SMAD2: variants seen among roughly 807,000 people sequenced by gnomAD.
SMAD2 encodes SMAD family member 2.
A neutral mutation model predicts 64.4 loss-of-function variants in SMAD2; 8 were observed. The observed-to-expected ratio is 0.12, with a 90% confidence interval of 0.07 to 0.22. The LOEUF is 0.22. SMAD2 is among the 10% of genes least tolerant of loss of function. The pLI, the probability that SMAD2 is intolerant of heterozygous loss-of-function variation, is 1.00. For missense variants in SMAD2, 289 were observed against 561.2 expected (o/e 0.51, Z 4.90); for synonymous variants, 203 against 195.8 (o/e 1.04, Z -0.31).
At chr18:47,878,997 G>A (rs1471817321) in intron 2 of SMAD2, among the ~76,000 whole-genome samples, 1 of 152,148 alleles carries the variant, frequency 6.6e-6, no homozygotes, top group Admixed American at 6.5e-5. Flanking sequence ...TTAGCTGGGT[G>A]TGCTGGTGCA....
chr18:47,814,471 G>A lies in SMAD2; in HGVS notation c.*27356C>T, dbSNP rs944141134. 6.6e-6 allele frequency: 1 copy of A among 152,216 alleles called. No individual in the cohort carries two copies. The highest frequency in any genetic ancestry group is 1.5e-5 in the Non-Finnish European group (1 of 68,042). The allele number at this position is 152,216 out of a possible 1,614,324, so 9.4% of individuals were successfully genotyped here. On this transcript the variant is annotated 3_prime_UTR_variant, in exon 11 of 11. Coordinates refer to ENST00000262160, the MANE Select transcript of SMAD2 (RefSeq NM_005901.6). ...GTTTTACTCCTAACCATGGATAAGA[G>A]AAACTGAGAATACGATGTGAGAAGA...
chr18:47,903,364 AAG>A (rs2033765954), intron 1 of SMAD2, among the ~76,000 whole-genome samples: 1 of 145,902 alleles, frequency 6.9e-6, no homozygotes, highest in Non-Finnish European at 1.5e-5. Flanking sequence ...GGACTAGAGA[AAG>A]AGGGGGTGGG....
chr18:47,845,048 A>G, intron 10 of SMAD2: 2 of 577,708 alleles, frequency 3.5e-6, no homozygotes, highest in South Asian at 2.3e-5. Context: ...GTGTGCAAAC[A>G]TCTCTCCTTC....
chr18:47,928,284 A>C (rs1203648313), intron 1 of SMAD2, among the ~76,000 whole-genome samples: 1 of 152,224 alleles, frequency 6.6e-6, no homozygotes, highest in Non-Finnish European at 1.5e-5. Flanking sequence ...AGAACAAGGA[A>C]AGACTTTTAA....
Position 47,928,908 on chromosome 18 carries a change from C to T in SMAD2, c.-54+1453G>A, listed in dbSNP as rs1223990108. On this transcript the variant is annotated intron_variant, in intron 1 of 10. Coordinates refer to ENST00000262160, the MANE Select transcript of SMAD2 (RefSeq NM_005901.6). ...GTTTAATATTTATAGTAAAAGTGGG[C>T]ACACTCTTTAGAAATGCCGAAAGAT... Among the ~76,000 whole-genome samples the T allele has an allele frequency of 2.0e-5, 3 of 152,324 alleles. No individual in the cohort carries two copies. The South Asian group carries it at 6.2e-4, about 32-fold the overall frequency.
chr18:47,868,582 G>A (rs1399230433), intron 4 of SMAD2, 125 bp from the exon 5 acceptor site: 6 of 716,740 alleles, frequency 8.4e-6, no homozygotes, highest in African/African-American at 1.8e-5. Flanking sequence ...CCACCTACTC[G>A]ATATATACTA....
intron 2 of SMAD2, among the ~76,000 whole-genome samples, chr18:47,883,318 T>C (rs954457069): frequency 2.6e-5 from 4 of 152,220 alleles, no homozygotes; most frequent in Non-Finnish European, 4.4e-5. Context: ...AGATGTCTTA[T>C]TGGTATTAAT....
intron 2 of SMAD2, 74 bp downstream of exon 2, chr18:47,896,447 G>T: frequency 1.3e-6 from 2 of 1,489,916 alleles, no homozygotes; most frequent in Non-Finnish European, 1.9e-6. Flanking sequence ...AACTTGAAAG[G>T]AACACAAATT....
At chr18:47,926,190 T>C (rs2034755281) in intron 1 of SMAD2, among the ~76,000 whole-genome samples, 1 of 152,226 alleles carries the variant, frequency 6.6e-6, no homozygotes, top group Non-Finnish European at 1.5e-5. Flanking sequence ...TAACAGCTAC[T>C]GTGATCTTTC....
At chr18:47,879,901 T>C (rs1410066705) in intron 2 of SMAD2, among the ~76,000 whole-genome samples, 4 of 152,198 alleles carry the variant, frequency 2.6e-5, no homozygotes, top group African/African-American at 9.7e-5. Flanking sequence ...CAGTGGTATT[T>C]CATTGTGGTT....
chr18:47,838,800 T>C lies in SMAD2; in HGVS notation c.*3027A>G, dbSNP rs1913672284. 1 of 232,720 alleles carries C rather than the reference T, an allele frequency of 4.3e-6. No homozygotes were observed. Among genetic ancestry groups the C allele is most frequent in the African/African-American group, 2.2e-5 (1 of 45,298 alleles). 14.4% of individuals were successfully genotyped at this position (232,720 alleles called of 1,614,324 possible). On this transcript the variant is annotated 3_prime_UTR_variant, in exon 11 of 11. Coordinates refer to ENST00000262160, the MANE Select transcript of SMAD2 (RefSeq NM_005901.6). ...CTCCCCTAAGCCAGCCCCCAAGGTG[T>C]CTCTGTGGAACCTACTGGAAAAAAT...
At position 47,834,630 on chromosome 18, in the gene SMAD2, G is replaced by A. The variant is rs944935916; in HGVS notation, c.*7197C>T. The A allele has an allele frequency of 1.3e-4, 15 of 115,568 alleles. No homozygotes were observed. The highest frequency in any genetic ancestry group is 6.6e-4 in the African/African-American group (11 of 16,770). 7.2% of individuals were successfully genotyped at this position (115,568 alleles called of 1,614,324 possible). A position where few individuals can be genotyped will look rare whatever the true frequency, so the allele number is the denominator to read the frequency against. On this transcript the variant is annotated 3_prime_UTR_variant, in exon 11 of 11. Coordinates refer to ENST00000262160, the MANE Select transcript of SMAD2 (RefSeq NM_005901.6). The stretch of plus-strand genomic sequence containing the variant: ...TCCTCTAAGCTTGCTAAAAGGCTAG[G>A]AAGTCCAGAAATACCTTAAACGTGT...
At chr18:47,874,422 T>C (rs1407663333) in intron 2 of SMAD2, among the ~76,000 whole-genome samples, 3 of 152,298 alleles carry the variant, frequency 2.0e-5, no homozygotes, top group African/African-American at 4.8e-5. Context: ...GGAAAGAGTA[T>C]GAAAGAACTT....
chr18:47,908,779 T>G (rs1479590140), intron 1 of SMAD2, among the ~76,000 whole-genome samples: 3 of 152,234 alleles, frequency 2.0e-5, no homozygotes, highest in African/African-American at 7.2e-5. Context: ...AGGCTAATCA[T>G]CTCTGCATGA....
At chr18:47,848,865 T>C in intron 7 of SMAD2, among the ~76,000 whole-genome samples, 178 bp from the exon 8 acceptor site, 1 of 152,208 alleles carries the variant, frequency 6.6e-6, no homozygotes, top group Non-Finnish European at 1.5e-5. Context: ...ATTTTCAGTA[T>C]TTTTCACACA....
At position 47,841,835 on chromosome 18, in the gene SMAD2, T is replaced by C; in HGVS notation, c.1396A>G (p.Met466Val). The C allele has an allele frequency of 6.2e-7, 1 of 1,614,210 alleles. No homozygotes were observed. Among genetic ancestry groups the C allele is most frequent in the Non-Finnish European group, 8.5e-7 (1 of 1,180,034 alleles). ...MGSPSVRCSS[M>V]S ...ACTTGATTGGTGAAGCTTTATGACA[T>C]GCTTGAGCAACGCACTGAAGGGGAT... is the stretch of plus-strand genomic sequence containing the variant. Residue 466 changes from methionine (M) to valine (V), a missense_variant, in exon 11 of 11, where the codon ATG (methionine) becomes GTG (valine). Physicochemically the swap from Met to Val is conservative, Grantham distance 21. This residue lies in a region of SMAD2 where 20 missense variants were observed against 82.8 expected (regional missense o/e 0.24). Transcript: ENST00000262160.
intron 6 of SMAD2, among the ~76,000 whole-genome samples, chr18:47,852,313 T>C (rs891191739): frequency 4.6e-5 from 7 of 152,298 alleles, no homozygotes; most frequent in Admixed American, 4.6e-4. Flanking sequence ...CAATCATCTT[T>C]GGGTTAGCGT....
chr18:47,891,158 A>T (rs148297217), intron 2 of SMAD2, among the ~76,000 whole-genome samples: 4,863 of 152,116 alleles, frequency 0.032, 120 homozygotes, highest in East Asian at 0.079. Flanking sequence ...ATACAAAATT[A>T]GACAGGCATG....
At chr18:47,924,710 G>A (rs1041713647) in intron 1 of SMAD2, among the ~76,000 whole-genome samples, 4 of 152,012 alleles carry the variant, frequency 2.6e-5, no homozygotes, top group Non-Finnish European at 4.4e-5. Flanking sequence ...TGATCCGCCC[G>A]CCTCAGCCTC....
Sources: allele counts gnomAD v4.1 joint callset (sites outside exome capture counted in the v4.1 genomes callset), GRCh38; gene constraint gnomAD v4.1.1; regional missense constraint gnomAD v4.1.1; transcripts MANE v1.5; gene names NCBI Gene and HGNC (gene_info 2026-07-23, HGNC 2026-07-21).